Variants in ASIC4 observed in about 807,000 individuals in gnomAD.
ASIC4 encodes the protein acid-sensing ion channel 4.
A neutral mutation model predicts 53.4 loss-of-function variants in ASIC4; 28 were observed. The ratio of observed to expected loss-of-function variants is 0.52; its 90% CI spans 0.39 to 0.72. The LOEUF (loss-of-function observed/expected upper bound fraction) is 0.72. Among genes scored for constraint, ASIC4 ranks in the 30% least tolerant of loss-of-function variants. The probability of loss-of-function intolerance (pLI) is 0.00; values close to 1 mark genes in which losing one functional copy is unlikely to be tolerated. For missense variants in ASIC4, 649 were observed against 729.7 expected, an observed-to-expected ratio of 0.89 and a Z score of 1.27; for synonymous variants, 289 against 301.4, an observed-to-expected ratio of 0.96 and a Z score of 0.43.
At chr2:219,519,604 C>G (rs1694854816) in intron 1 of ASIC4, among the ~76,000 whole-genome samples, 1 of 152,258 alleles carries the variant, frequency 6.6e-6, no homozygotes, top group Non-Finnish European at 1.5e-5. Context: ...GCTTGTCCAA[C>G]TTGGTAGTCA....
At chr2:219,519,722 C>T (rs1449300495) in intron 1 of ASIC4, among the ~76,000 whole-genome samples, 1 of 152,180 alleles carries the variant, frequency 6.6e-6, no homozygotes, top group Non-Finnish European at 1.5e-5. Flanking sequence ...TGTTGGACAG[C>T]GCAGCTCTGG....
At chr2:219,530,181 T>A (rs1202226179) in intron 1 of ASIC4, among the ~76,000 whole-genome samples, 2 of 152,168 alleles carry the variant, frequency 1.3e-5, no homozygotes, top group African/African-American at 2.4e-5. Flanking sequence ...AGGTGCTGCC[T>A]GTGATGGGTT....
At chr2:219,535,470 T>G (rs903872881) in intron 6 of ASIC4, 146 bp downstream of exon 6, 2 of 958,428 alleles carry the variant, frequency 2.1e-6, no homozygotes, top group Admixed American at 2.8e-5. Context: ...TGTATGTGTG[T>G]GGGGTGTATG....
At position 219,515,049 on chromosome 2, in the gene ASIC4, G is replaced by T. The variant is rs756845255; in HGVS notation, c.325G>T (p.Val109Leu). 6.2e-7 allele frequency: 1 copy of T among 1,613,390 alleles called. No individual in the cohort carries two copies. The highest frequency in any genetic ancestry group is 8.5e-7 in the Non-Finnish European group (1 of 1,179,958). ...AATGGACCCCGCTGCCCCAGCCCCAGTGGCGGGCTTCCCGGCTGTCACCCT... is the reference window on the plus strand; with the variant it reads ...AATGGACCCCGCTGCCCCAGCCCCATTGGCGGGCTTCCCGGCTGTCACCCT... The part of the protein sequence containing the change: ...VAMDPAAPAP[V>L]AGFPAVTLCN... The change falls in exon 1 of 10, where the codon GTG becomes TTG. Residue 109 changes from valine to leucine, a missense_variant. By Grantham distance (32) the Val-to-Leu change is conservative (BLOSUM62 1). Coordinates refer to ENST00000358078, the MANE Select transcript of ASIC4 (RefSeq NM_018674.6).
chr2:219,515,363 G>T, intron 1 of ASIC4, 57 bp downstream of exon 1: 1 of 1,561,556 alleles, frequency 6.4e-7, no homozygotes, highest in Non-Finnish European at 8.7e-7. Context: ...GGGGAGTGGG[G>T]AGGAGTGGTG....
chr2:219,537,713 G>T lies in ASIC4; in HGVS notation c.1483G>T (p.Gly495Trp). ...RTSTGGISTL[G>W]LQELKEQSPC... ...CTCCACTGGGGGCATCTCCACTTTG[G>T]GGCTTCAGGAGCTGAAGGAACAGGT... The change falls in exon 9 of 10, where the codon GGG (glycine) becomes TGG (tryptophan). Residue 495 changes from glycine (G) to tryptophan (W), a missense_variant. Transcript: ENST00000358078. This position sits in a 1 kb window ranked among gnomAD's most constrained non-coding sequence, Gnocchi z 4.9. 6.2e-7 allele frequency: 1 copy of T among 1,613,916 alleles called. No individual in the cohort carries two copies. Among genetic ancestry groups the T allele is most frequent in the South Asian group, 1.1e-5 (1 of 91,044 alleles).
Sources: allele counts gnomAD v4.1 joint callset (sites outside exome capture counted in the v4.1 genomes callset), GRCh38; gene constraint gnomAD v4.1.1; non-coding constraint Gnocchi (gnomAD v3.1); transcripts MANE v1.5; gene names NCBI Gene and HGNC (gene_info 2026-07-23, HGNC 2026-07-21).